Variants in TRMT2A observed in about 807,000 individuals in gnomAD.
TRMT2A encodes tRNA (uracil-5-)-methyltransferase homolog A.
A neutral mutation model predicts 59.3 loss-of-function variants in TRMT2A; 60 were observed. The observed-to-expected ratio is 1.01, with a 90% CI of 0.82 to 1.26. The LOEUF (loss-of-function observed/expected upper bound fraction) is 1.26. TRMT2A is among the 50% of genes most tolerant of loss of function. The pLI is 0.00. For synonymous variants in TRMT2A, 403 were observed against 353.7 expected, an observed-to-expected ratio of 1.14 and a Z score of -1.56; for missense variants, 863 against 845.2, an observed-to-expected ratio of 1.02 and a Z score of -0.26.
At chr22:20,114,447 C>G in intron 7 of TRMT2A, 127 bp downstream of exon 7, 1 of 785,306 alleles carries the variant, frequency 1.3e-6, no homozygotes, top group South Asian at 1.5e-5. Flanking sequence ...TTCACCCTCC[C>G]CTGTGGCTCA....
intron 9 of TRMT2A, 32 bp downstream of exon 9, chr22:20,113,400 T>TGGGC: frequency 9.5e-7 from 1 of 1,049,436 alleles, no homozygotes; most frequent in Non-Finnish European, 1.4e-6. Flanking sequence ...GCTGCCCCCA[T>TGGGC]CCCCACCCCC....
In TRMT2A at chr22:20,115,762, G is replaced by C. The variant is rs1208983891; in HGVS notation, c.618C>G (p.Asn206Lys). Residue 206 changes from asparagine (N) to lysine (K), a missense_variant, in exon 3 of 12, where the codon AAC (asparagine) becomes AAG (lysine). Transcript: ENST00000252136. ...CGAGCAGCCAGGGCAGCAAGGCACG[G>C]TTGGTGCTCCCGATTTCCCTGTAAG... ...QKLAKEIGST[N>K]RALLPWLLEQ... 5 of 1,609,468 alleles carry C rather than the reference G, an allele frequency of 3.1e-6. No individual in the cohort carries two copies.
In TRMT2A at chr22:20,117,161, CG is replaced by C; in HGVS notation, c.-256del. On this transcript the variant is annotated 5_prime_UTR_variant, in exon 1 of 12. Transcript: ENST00000252136. The stretch of plus-strand genomic sequence containing the variant: ...CCGCCCGCCCGCCAGGGGCCCGCGC[CG>C]GCCGCTCGCTTCGCCAGCCACTCTT... The C allele has an allele frequency of 5.4e-6, 3 of 556,568 alleles. No individual in the cohort carries two copies. Among genetic ancestry groups the C allele is most frequent in the Non-Finnish European group, 9.0e-6 (3 of 334,426 alleles). 34.5% of individuals were successfully genotyped at this position (556,568 alleles called of 1,614,324 possible). A position where few individuals can be genotyped will look rare whatever the true frequency, so the allele number is the denominator to read the frequency against.
intron 8 of TRMT2A, 29 bp from the exon 9 acceptor site, chr22:20,113,536 A>G (rs376938273): frequency 6.8e-6 from 11 of 1,612,698 alleles, no homozygotes; most frequent in South Asian, 4.4e-5. Context: ...GTGTCGCCCC[A>G]CCCAGGGAGG....
At chr22:20,114,939 T>G in intron 5 of TRMT2A, 26 bp downstream of exon 5, 1 of 1,571,076 alleles carries the variant, frequency 6.4e-7, no homozygotes, top group Middle Eastern at 1.7e-4. Context: ...CTAGGCACCC[T>G]CCCCCAGCAG....
At chr22:20,116,834 CTCCT>C in intron 1 of TRMT2A, 45 bp downstream of exon 1, 1 of 1,534,920 alleles carries the variant, frequency 6.5e-7, no homozygotes, top group Non-Finnish European at 8.9e-7. Flanking sequence ...CCCACCCCGC[CTCCT>C]CCCACCCCAT....
In TRMT2A at chr22:20,117,108, A is replaced by C. The variant is rs1822727062; in HGVS notation, c.-202T>G. The C allele has an allele frequency of 1.4e-6, 1 of 689,762 alleles. No homozygotes were observed. Among genetic ancestry groups the C allele is most frequent in the Admixed American group, 2.8e-5 (1 of 35,644 alleles). The allele number at this position is 689,762 out of a possible 1,614,324, so 42.7% of individuals were successfully genotyped here. ...GGCGGGACTCGAACCTGCGATGCTC[A>C]GGTCCGGGTCTCAGGCTTGGGGCTG... On this transcript the variant is annotated 5_prime_UTR_variant, in exon 1 of 12. Transcript: ENST00000252136.
At chr22:20,116,764 C>A in intron 1 of TRMT2A, 119 bp downstream of exon 1, 1 of 1,406,514 alleles carries the variant, frequency 7.1e-7, no homozygotes, top group Non-Finnish European at 9.7e-7. Context: ...CCATTCCCGT[C>A]TCCTTTCCTC....
chr22:20,114,167 C>G (rs2049933221), intron 7 of TRMT2A, among the ~76,000 whole-genome samples: 2 of 152,190 alleles, frequency 1.3e-5, no homozygotes, highest in Admixed American at 6.5e-5. Flanking sequence ...GCTCCCACCC[C>G]CACACCTAGC....
chr22:20,116,040 G>T lies in TRMT2A; in HGVS notation c.597C>A (p.Ala199=). The T allele has an allele frequency of 6.4e-7, 1 of 1,553,078 alleles. No individual in the cohort carries two copies. Among genetic ancestry groups the T allele is most frequent in the South Asian group, 1.2e-5 (1 of 82,512 alleles). The change falls in exon 2 of 12, where the codon GCC becomes GCA. Residue 199 remains alanine (A), a splice_region_variant and synonymous_variant. Coordinates refer to ENST00000252136, the MANE Select transcript of TRMT2A (RefSeq NM_022727.6). ...GGGCGTCTTGCGCCCACACTCACTT[G>T]GCAAGTTTCTGCAGCACCTGCTCGC... The part of the protein sequence containing the change: ...LECEQVLQKL[A]KEIGSTNRAL...
Position 20,112,565 on chromosome 22 carries a change from A to G in TRMT2A, c.1876T>C (p.Ter626GlnextTer54), listed in dbSNP as rs552369188. ...TGTCCCCATAATGGGTCCTGGGCCT[A>G]GGATGAGGGGAAGGTCCCAGTTTCT... ...LQETGTFPSS[*>Q] Residue 626 changes from the stop codon to glutamine (Q), a stop_lost, in exon 12 of 12, where the codon TAG becomes CAG. Transcript: ENST00000252136. The G allele has an allele frequency of 1.2e-6, 2 of 1,613,736 alleles. No individual in the cohort carries two copies. Among genetic ancestry groups the G allele is most frequent in the Non-Finnish European group, 1.7e-6 (2 of 1,179,974 alleles).
In TRMT2A at chr22:20,117,004, A is replaced by G; in HGVS notation, c.-98T>C. 1.4e-6 allele frequency: 2 copies of G among 1,478,780 alleles called. No homozygotes were observed. The highest frequency in any genetic ancestry group is 1.7e-4 in the Middle Eastern group (1 of 5,720). The allele number at this position is 1,478,780 out of a possible 1,614,324, so 91.6% of individuals were successfully genotyped here. On this transcript the variant is annotated 5_prime_UTR_variant, in exon 1 of 12. Transcript: ENST00000252136. ...CAAGGGAAGTGGCCTGTCACAAGGG[A>G]AGTGCTCAGAGGGGAGGTGCTCACA... is the stretch of plus-strand genomic sequence containing the variant.
Position 20,112,458 on chromosome 22 carries a change from C to A in TRMT2A, c.*105G>T. The A allele has an allele frequency of 7.1e-7, 1 of 1,401,336 alleles. No homozygotes were observed. Among genetic ancestry groups the A allele is most frequent in the Non-Finnish European group, 9.6e-7 (1 of 1,045,978 alleles). 86.8% of individuals were successfully genotyped at this position (1,401,336 alleles called of 1,614,324 possible). A position where few individuals can be genotyped will look rare whatever the true frequency, so the allele number is the denominator to read the frequency against. ...CCTGGTGGGGCACAGGGTTCTGTGC[C>A]CTTTGGCTGCCTACCTCTGAATATC... is the stretch of plus-strand genomic sequence containing the variant. On this transcript the variant is annotated 3_prime_UTR_variant, in exon 12 of 12. Coordinates refer to ENST00000252136, the MANE Select transcript of TRMT2A (RefSeq NM_022727.6).
At position 20,115,782 on chromosome 22, in the gene TRMT2A, T is replaced by C; in HGVS notation, c.600-2A>G. On this transcript the variant is annotated splice_acceptor_variant, in intron 2 of 11. Coordinates refer to ENST00000252136, the MANE Select transcript of TRMT2A (RefSeq NM_022727.6). LOFTEE classifies it high-confidence loss of function. ...GCACGGTTGGTGCTCCCGATTTCCC[T>C]GTAAGAGGAGCAGATCGGTGGTTGG... The C allele has an allele frequency of 6.2e-7, 1 of 1,604,446 alleles. No homozygotes were observed. The highest frequency in any genetic ancestry group is 8.5e-7 in the Non-Finnish European group (1 of 1,173,186).
In TRMT2A at chr22:20,116,067, C is replaced by A. The variant is rs2050005887; in HGVS notation, c.570G>T (p.Glu190Asp). The change falls in exon 2 of 12, where the codon GAG (glutamate) becomes GAT (aspartate). Residue 190 changes from glutamate to aspartate, a missense_variant. Glu to Asp is a conservative substitution (Grantham distance 45). Transcript: ENST00000252136. ...CAAGTTTCTGCAGCACCTGCTCGCA[C>A]TCCAGCTGCTTCCGCTCAAGCTGCT... ...YAEQLERKQLECEQVLQKLAK... is the reference protein window; with the variant it reads ...YAEQLERKQLDCEQVLQKLAK... 5 of 1,575,912 alleles carry A rather than the reference C, an allele frequency of 3.2e-6. No individual in the cohort carries two copies. The East Asian group carries it at 1.1e-4, about 36-fold the overall frequency.
Position 20,115,360 on chromosome 22 carries a change from T to A in TRMT2A, c.796A>T (p.Lys266Ter). 6.2e-7 allele frequency: 1 copy of A among 1,612,722 alleles called. No homozygotes were observed. The highest frequency in any genetic ancestry group is 8.5e-7 in the Non-Finnish European group (1 of 1,179,996). Residue 266 changes from lysine (K) to a stop codon, truncating the protein, a stop_gained, in exon 4 of 12, where the codon AAG becomes TAG. Transcript: ENST00000252136. LOFTEE classifies it high-confidence loss of function. ...GCTGCCACAGCACACGTCCCGCCCT[T>A]GTACTTGCCGAGCCGACAGCCCACG... ...NTVGCRLGKY[K>*]GGTCAVAAPF...
rs1309999217 is a variant in TRMT2A at position 20,112,315 on chromosome 22, GTTTA to G, written c.*244_*247del. 2 of 557,090 alleles carry G rather than the reference GTTTA, an allele frequency of 3.6e-6. No individual in the cohort carries two copies. Among genetic ancestry groups the G allele is most frequent in the Non-Finnish European group, 6.3e-6 (2 of 315,398 alleles). 34.5% of individuals were successfully genotyped at this position (557,090 alleles called of 1,614,324 possible). A position where few individuals can be genotyped will look rare whatever the true frequency, so the allele number is the denominator to read the frequency against. ...CAGAAACACCCTTTGTTGAGCAGTT[GTTTA>G]TTCTGGCCCTCACAGCCTTGGCTAG... On this transcript the variant is annotated 3_prime_UTR_variant, in exon 12 of 12. Coordinates refer to ENST00000252136, the MANE Select transcript of TRMT2A (RefSeq NM_022727.6).
chr22:20,116,170 C>T lies in TRMT2A; in HGVS notation c.467G>A (p.Arg156Gln), dbSNP rs777596749. 5.6e-6 allele frequency: 9 copies of T among 1,613,108 alleles called. No individual in the cohort carries two copies. Among genetic ancestry groups the T allele is most frequent in the South Asian group, 1.1e-5 (1 of 91,070 alleles). The change falls in exon 2 of 12, where the codon CGA becomes CAA. Residue 156 changes from arginine to glutamine, a missense_variant. Transcript: ENST00000252136. Reference sequence around the variant, plus strand: ...TGGTGGCTCACTCTCACCCTCCTGTCGCCTCCTCCTGGCCATGGGGTCGGC... The same window carrying T: ...TGGTGGCTCACTCTCACCCTCCTGTTGCCTCCTCCTGGCCATGGGGTCGGC... Reference protein sequence around the residue: ...PKADPMARRRRQEGESEPPVT... With the variant: ...PKADPMARRRQQEGESEPPVT...
chr22:20,113,957 C>T lies in TRMT2A; in HGVS notation c.1234-149G>A, dbSNP rs985376510. ...TGCCCAACGTCTTCCCTGACCCCAC[C>T]TTGGACCAGCCTTGCTGATGCCCTC... is the stretch of plus-strand genomic sequence containing the variant. On this transcript the variant is annotated intron_variant, in intron 7 of 11. Coordinates refer to ENST00000252136, the MANE Select transcript of TRMT2A (RefSeq NM_022727.6). 5 of 1,163,452 alleles carry T rather than the reference C, an allele frequency of 4.3e-6. No homozygotes were observed. In the African/African-American group the frequency reaches 7.8e-5, roughly 18 times the overall value. The allele number at this position is 1,163,452 out of a possible 1,614,324, so 72.1% of individuals were successfully genotyped here. A position where few individuals can be genotyped will look rare whatever the true frequency, so the allele number is the denominator to read the frequency against.
Sources: gnomAD v4.1 joint callset for allele counts (sites outside exome capture counted in the v4.1 genomes callset) on GRCh38, gnomAD v4.1.1 for gene constraint, MANE v1.5 for transcripts, NCBI Gene and HGNC (gene_info 2026-07-23, HGNC 2026-07-21) for gene names.